MAPK9: variants seen among roughly 807,000 people sequenced by gnomAD.
The protein encoded by MAPK9 is mitogen-activated protein kinase 9.
In MAPK9, 30 loss-of-function variants were observed where a neutral mutation model predicts 57.1. The ratio of observed to expected loss-of-function variants is 0.53; its 90% CI spans 0.39 to 0.71. MAPK9 has a LOEUF of 0.71. MAPK9 is among the 30% of genes least tolerant of loss of function. The pLI, the probability that MAPK9 is intolerant of heterozygous loss-of-function variation, is 0.00. For synonymous variants in MAPK9, 155 were observed against 177.0 expected, an observed-to-expected ratio of 0.88 and a Z score of 0.99; for missense variants, 362 against 521.0, an observed-to-expected ratio of 0.69 and a Z score of 2.97.
chr5:180,234,777 T>G lies in MAPK9; in HGVS notation c.*1607A>C, dbSNP rs1182995122. On this transcript the variant is annotated 3_prime_UTR_variant, in exon 12 of 12. Coordinates refer to ENST00000452135, the MANE Select transcript of MAPK9 (RefSeq NM_002752.5). ...AAAAGAACTATTTCTTATTTCAATA[T>G]TAATTTTGCTAATCAAAGGTTCCAG... 6.6e-6 allele frequency: 1 copy of G among 151,846 alleles called. No individual in the cohort carries two copies. The allele number at this position is 151,846 out of a possible 1,614,324, so 9.4% of individuals were successfully genotyped here.
At chr5:180,276,582 G>A (rs1040854246) in intron 2 of MAPK9, among the ~76,000 whole-genome samples, 9 of 152,140 alleles carry the variant, frequency 5.9e-5, no homozygotes, top group East Asian at 1.9e-4. Context: ...TAGGCCAGGC[G>A]CGGTGGCTCA....
At chr5:180,267,528 C>G (rs978523215) in intron 3 of MAPK9, among the ~76,000 whole-genome samples, 9 of 148,514 alleles carry the variant, frequency 6.1e-5, no homozygotes, top group Non-Finnish European at 1.3e-4. Flanking sequence ...CGCCACTGCC[C>G]TCCAGGTTGG....
intron 5 of MAPK9, among the ~76,000 whole-genome samples, chr5:180,249,925 G>A (rs1758504980): frequency 6.6e-6 from 1 of 152,180 alleles, no homozygotes; most frequent in Admixed American, 6.5e-5. Flanking sequence ...GTTAGTGGCT[G>A]CCATACTGGA....
chr5:180,285,760 T>C (rs1202755563), intron 1 of MAPK9, among the ~76,000 whole-genome samples: 1 of 117,718 alleles, frequency 8.5e-6, no homozygotes, highest in African/African-American at 2.9e-5. Context: ...TTCAACTCTA[T>C]ATTAAACAAT....
chr5:180,271,599 A>G (rs1761323398), intron 2 of MAPK9, among the ~76,000 whole-genome samples: 1 of 152,216 alleles, frequency 6.6e-6, no homozygotes, highest in African/African-American at 2.4e-5. Context: ...TTTACCATAT[A>G]TTCATAACTA....
At chr5:180,266,028 T>C (rs562676173) in intron 3 of MAPK9, among the ~76,000 whole-genome samples, 3 of 145,670 alleles carry the variant, frequency 2.1e-5, no homozygotes, top group Non-Finnish European at 3.0e-5. Context: ...TGATAAAAAA[T>C]CAGTATGTCA....
chr5:180,278,016 A>G (rs1290728516), intron 2 of MAPK9, among the ~76,000 whole-genome samples: 2 of 152,240 alleles, frequency 1.3e-5, no homozygotes, highest in Non-Finnish European at 2.9e-5. Context: ...TGAATGTAAC[A>G]ATTGTCTTAT....
chr5:180,252,516 C>T (rs139093859), intron 5 of MAPK9, among the ~76,000 whole-genome samples: 25 of 152,274 alleles, frequency 1.6e-4, no homozygotes, highest in Admixed American at 2.6e-4. Context: ...CCACCCACCC[C>T]GGGCCCTGCA....
At chr5:180,290,610 T>A (rs1028126755) in intron 1 of MAPK9, among the ~76,000 whole-genome samples, 3 of 152,242 alleles carry the variant, frequency 2.0e-5, no homozygotes, top group African/African-American at 7.2e-5. Context: ...ATTATAAAAA[T>A]GTGAGATTTT....
rs772352522 is a variant in MAPK9 at position 180,264,854 on chromosome 5, T to A, written c.253-15A>T. 33 of 1,510,096 alleles carry A rather than the reference T, an allele frequency of 2.2e-5. No homozygotes were observed. The East Asian group carries it at 7.0e-4, about 32-fold the overall frequency. 93.5% of individuals were successfully genotyped at this position (1,510,096 alleles called of 1,614,324 possible). A position where few individuals can be genotyped will look rare whatever the true frequency, so the allele number is the denominator to read the frequency against. On this transcript the variant is annotated splice_polypyrimidine_tract_variant and intron_variant, in intron 3 of 11. Coordinates refer to ENST00000452135, the MANE Select transcript of MAPK9 (RefSeq NM_002752.5). ...AAACTAATTATCTGAAAAGAGAAAA[T>A]TAATTATACTTCAATATGTCAGATT...
In MAPK9 at chr5:180,235,632, G is replaced by C. The variant is rs1019028241; in HGVS notation, c.*752C>G. ...AGAGATAAGGTAGCTAGGATTTCAA[G>C]CAGCACTAAGCAAAACTTAAAATTG... On this transcript the variant is annotated 3_prime_UTR_variant, in exon 12 of 12. Coordinates refer to ENST00000452135, the MANE Select transcript of MAPK9 (RefSeq NM_002752.5). 1 of 152,196 alleles carries C rather than the reference G, an allele frequency of 6.6e-6. No individual in the cohort carries two copies. Among genetic ancestry groups the C allele is most frequent in the Non-Finnish European group, 1.5e-5 (1 of 68,032 alleles). 9.4% of individuals were successfully genotyped at this position (152,196 alleles called of 1,614,324 possible). A position where few individuals can be genotyped will look rare whatever the true frequency, so the allele number is the denominator to read the frequency against.
In MAPK9 at chr5:180,247,391, T is replaced by C. The variant is rs759819014; in HGVS notation, c.688+48A>G. 4.3e-6 allele frequency: 7 copies of C among 1,612,704 alleles called. No individual in the cohort carries two copies. The highest frequency in any genetic ancestry group is 5.1e-6 in the Non-Finnish European group (6 of 1,178,684). ...CGTGTAAGCAGGTGGTCATGCTGCCTGAGGCATTAAGAAAGCATGGCGGGG... is the reference window on the plus strand; with the variant it reads ...CGTGTAAGCAGGTGGTCATGCTGCCCGAGGCATTAAGAAAGCATGGCGGGG... On this transcript the variant is annotated intron_variant, in intron 7 of 11. Coordinates refer to ENST00000452135, the MANE Select transcript of MAPK9 (RefSeq NM_002752.5). The surrounding 1 kb of genome is among the most constrained non-coding windows in gnomAD (Gnocchi z 4.5).
At position 180,233,522 on chromosome 5, in the gene MAPK9, GTCA is replaced by G. The variant is rs1295958261; in HGVS notation, c.*2859_*2861del. ...ATCTATCTGTGTTCATGTTAAATCT[GTCA>G]TCAGAGATGGTGATGGAGAAATATC... On this transcript the variant is annotated 3_prime_UTR_variant, in exon 12 of 12. Coordinates refer to ENST00000452135, the MANE Select transcript of MAPK9 (RefSeq NM_002752.5). 3.3e-5 allele frequency: 5 copies of G among 152,178 alleles called. No homozygotes were observed. In the East Asian group the frequency reaches 9.6e-4, roughly 29 times the overall value. The allele number at this position is 152,178 out of a possible 1,614,324, so 9.4% of individuals were successfully genotyped here. A position where few individuals can be genotyped will look rare whatever the true frequency, so the allele number is the denominator to read the frequency against.
intron 7 of MAPK9, chr5:180,246,127 G>C (rs1257218959): frequency 6.6e-6 from 1 of 152,074 alleles, no homozygotes; most frequent in Non-Finnish European, 1.5e-5. Flanking sequence ...AATAAAACAA[G>C]GAATGGCACA....
At position 180,291,878 on chromosome 5, in the gene MAPK9, A is replaced by AGGGC. The variant is rs1336227607; in HGVS notation, c.-82_-79dup. ...CTCCCCGCCGCCGCGCCACGGGGAG[A>AGGGC]GGGCGGGCGGGCGGACTGGCGGCGC... On this transcript the variant is annotated 5_prime_UTR_variant, in exon 1 of 12. Transcript: ENST00000452135. 2.1e-5 allele frequency: 3 copies of AGGGC among 145,464 alleles called. No homozygotes were observed. Among genetic ancestry groups the AGGGC allele is most frequent in the African/African-American group, 5.0e-5 (2 of 40,076 alleles). 9.0% of individuals were successfully genotyped at this position (145,464 alleles called of 1,614,324 possible).
At chr5:180,266,343 T>C (rs1760546751) in intron 3 of MAPK9, among the ~76,000 whole-genome samples, 1 of 151,680 alleles carries the variant, frequency 6.6e-6, no homozygotes, top group Admixed American at 6.6e-5. Flanking sequence ...AGATGGAGTT[T>C]CATTCTTGTC....
Position 180,254,830 on chromosome 5 carries a change from C to G in MAPK9, c.451-5692G>C, listed in dbSNP as rs556170531. Among the ~76,000 whole-genome samples, 11 of 152,212 alleles carry G rather than the reference C, an allele frequency of 7.2e-5. No homozygotes were observed. The East Asian group carries it at 2.1e-3, about 29-fold the overall frequency. On this transcript the variant is annotated intron_variant, in intron 5 of 11. Coordinates refer to ENST00000452135, the MANE Select transcript of MAPK9 (RefSeq NM_002752.5). ...CGGGCGGATCACGAGGTCAGGAGAT[C>G]GAGACCATCCTGGGTAACAAGGTGA...
At chr5:180,255,980 T>C (rs1427517611) in intron 5 of MAPK9, among the ~76,000 whole-genome samples, 2 of 152,158 alleles carry the variant, frequency 1.3e-5, no homozygotes, top group Non-Finnish European at 2.9e-5. Flanking sequence ...GCTACCTGTT[T>C]AGGAAGTTGC....
At chr5:180,242,962 G>A (rs1757781028) in intron 7 of MAPK9, 2 of 444,996 alleles carry the variant, frequency 4.5e-6, no homozygotes, top group Non-Finnish European at 7.9e-6. Flanking sequence ...CATAAACTAT[G>A]ATCACAGTTT....
Sources: gnomAD v4.1 joint callset for allele counts (sites outside exome capture counted in the v4.1 genomes callset) on GRCh38, gnomAD v4.1.1 for gene constraint, Gnocchi (gnomAD v3.1) non-coding constraint, MANE v1.5 for transcripts, NCBI Gene and HGNC (gene_info 2026-07-23, HGNC 2026-07-21) for gene names.